RNF216: variants seen among roughly 807,000 people sequenced by gnomAD.
RNF216 encodes E3 ubiquitin-protein ligase RNF216.
RNF216 carries 72 observed loss-of-function variants against 110.8 expected under a neutral mutation model. That is an observed-to-expected ratio of 0.65 (90% CI 0.54 to 0.79). The LOEUF is 0.79. RNF216 is among the 30% of genes least tolerant of loss of function. The pLI is 0.00. For synonymous variants in RNF216, 495 were observed against 407.5 expected (o/e 1.21, Z -2.59); for missense variants, 1,342 against 1,141.2 (o/e 1.18, Z -2.54).
At chr7:5,762,332 G>A (rs1212406722) in intron 1 of RNF216, among the ~76,000 whole-genome samples, 1 of 151,898 alleles carries the variant, frequency 6.6e-6, no homozygotes, top group African/African-American at 2.4e-5. Flanking sequence ...AGACCAGCCT[G>A]GCCAACATGG....
intron 2 of RNF216, among the ~76,000 whole-genome samples, chr7:5,754,115 GTGTGGTGT>G: frequency 7.6e-6 from 1 of 130,844 alleles, no homozygotes; most frequent in African/African-American, 2.9e-5. Context: ...TTTTTCTTTT[GTGTGGTGT>G]GTGTGTGTGT....
chr7:5,688,567 T>A (rs1289069017), intron 13 of RNF216, among the ~76,000 whole-genome samples: 1 of 152,230 alleles, frequency 6.6e-6, no homozygotes, highest in African/African-American at 2.4e-5. Flanking sequence ...TGCTTAGGTT[T>A]TGAAGAAAAA....
At chr7:5,686,224 TAAAAAAA>T (rs71971690) in intron 13 of RNF216, among the ~76,000 whole-genome samples, 26 of 111,626 alleles carry the variant, frequency 2.3e-4, no homozygotes, top group African/African-American at 8.7e-4. Flanking sequence ...ACTCTGTTAT[TAAAAAAA>T]AAAAAAAAAA....
At chr7:5,626,670 T>C (rs1026877001) in intron 15 of RNF216, among the ~76,000 whole-genome samples, 2 of 140,954 alleles carry the variant, frequency 1.4e-5, no homozygotes, top group African/African-American at 5.1e-5. Flanking sequence ...AAACTTGTGT[T>C]AAAAAAAAAA....
At chr7:5,711,359 G>A (rs913590193) in intron 13 of RNF216, among the ~76,000 whole-genome samples, 8 of 152,186 alleles carry the variant, frequency 5.3e-5, no homozygotes, top group South Asian at 2.1e-4. Context: ...TCAAAGAAGC[G>A]TCGTTTGGAC....
At chr7:5,684,161 G>C (rs1562388263) in intron 13 of RNF216, among the ~76,000 whole-genome samples, 1 of 143,122 alleles carries the variant, frequency 7.0e-6, no homozygotes, top group Non-Finnish European at 1.5e-5. Flanking sequence ...GGAGTGCAGT[G>C]GCGTGATCTT....
intron 5 of RNF216, among the ~76,000 whole-genome samples, chr7:5,733,475 A>T (rs2128645843): frequency 6.6e-6 from 1 of 152,340 alleles, no homozygotes; most frequent in Admixed American, 6.5e-5. Flanking sequence ...GTTCATTTGC[A>T]GAAGGAGAGA....
chr7:5,734,148 T>C (rs973468610), intron 5 of RNF216, among the ~76,000 whole-genome samples: 5 of 152,074 alleles, frequency 3.3e-5, no homozygotes, highest in Admixed American at 6.5e-5. Flanking sequence ...CAAGTAGAGT[T>C]CAGGAGACAA....
chr7:5,776,134 G>C (rs923911668), intron 1 of RNF216, among the ~76,000 whole-genome samples: 7 of 152,094 alleles, frequency 4.6e-5, no homozygotes, highest in African/African-American at 1.2e-4. Flanking sequence ...ATATGTGAAA[G>C]CTGTGGATAT....
chr7:5,674,953 C>T (rs150021181), intron 13 of RNF216, among the ~76,000 whole-genome samples: 3,154 of 151,904 alleles, frequency 0.021, 38 homozygotes, highest in Non-Finnish European at 0.029. Context: ...GCTGAGATCG[C>T]GCCACTGCAC....
intron 3 of RNF216, among the ~76,000 whole-genome samples, chr7:5,744,890 T>C (rs1049976639): frequency 6.6e-6 from 1 of 152,026 alleles, no homozygotes; most frequent in South Asian, 2.1e-4. Flanking sequence ...CAGAATCACT[T>C]GAACCTGGGA....
At chr7:5,623,921 G>C in intron 16 of RNF216, 135 bp downstream of exon 16, 2 of 698,242 alleles carry the variant, frequency 2.9e-6, no homozygotes, top group Non-Finnish European at 4.8e-6. Context: ...GTGAAGTCAG[G>C]TCTATAGCCA....
chr7:5,675,076 T>C (rs374355925), intron 13 of RNF216, among the ~76,000 whole-genome samples: 38 of 152,298 alleles, frequency 2.5e-4, no homozygotes, highest in African/African-American at 8.9e-4. Flanking sequence ...GCCAGCTTCA[T>C]ATGTAACTAA....
At chr7:5,668,349 G>A (rs181344247) in intron 13 of RNF216, among the ~76,000 whole-genome samples, 1 of 151,482 alleles carries the variant, frequency 6.6e-6, no homozygotes, top group African/African-American at 2.4e-5. Context: ...TCAGCCTCCC[G>A]AGTAGTTGGG....
At chr7:5,673,560 C>T (rs541733286) in intron 13 of RNF216, among the ~76,000 whole-genome samples, 1 of 152,336 alleles carries the variant, frequency 6.6e-6, no homozygotes. Flanking sequence ...GAGCAAGTTG[C>T]AGGATCAAGT....
Position 5,758,931 on chromosome 7 carries a change from T to G in RNF216, c.67+2072A>C, listed in dbSNP as rs1392197371. Among the ~76,000 whole-genome samples, 3 of 152,144 alleles carry G rather than the reference T, an allele frequency of 2.0e-5. No homozygotes were observed. In the South Asian group the frequency reaches 6.2e-4, roughly 32 times the overall value. On this transcript the variant is annotated intron_variant, in intron 2 of 16. Coordinates refer to ENST00000389902, the MANE Select transcript of RNF216 (RefSeq NM_207111.4). Reference sequence around the variant, plus strand: ...CTTGGGAGGGGCTGGGGTGGAATAGTATGGTTTGGATCTGTGTCCCTGCCC... The same window carrying G: ...CTTGGGAGGGGCTGGGGTGGAATAGGATGGTTTGGATCTGTGTCCCTGCCC...
intron 13 of RNF216, among the ~76,000 whole-genome samples, chr7:5,653,571 A>G (rs1347834896): frequency 3.7e-5 from 5 of 133,794 alleles, no homozygotes; most frequent in Non-Finnish European, 7.7e-5. Flanking sequence ...ACTGCACTCC[A>G]GCCTGGGCGA....
At chr7:5,628,193 C>G (rs928001253) in intron 15 of RNF216, among the ~76,000 whole-genome samples, 4 of 152,196 alleles carry the variant, frequency 2.6e-5, no homozygotes, top group African/African-American at 9.6e-5. Context: ...GCTCTGATCA[C>G]TCTCCTGATT....
chr7:5,623,116 T>C lies in RNF216; in HGVS notation c.2516A>G (p.Glu839Gly), dbSNP rs777795346. The C allele has an allele frequency of 1.2e-6, 2 of 1,604,966 alleles. No individual in the cohort carries two copies. The highest frequency in any genetic ancestry group is 2.2e-5 in the South Asian group (2 of 90,454). ...CTGCGGAACGGGCCTCGGGAGGGCCTCCACCCTCTGCACCTTCTCCACAGG... is the reference window on the plus strand; with the variant it reads ...CTGCGGAACGGGCCTCGGGAGGGCCCCCACCCTCTGCACCTTCTCCACAGG... ...EKPVEKVQRV[E>G]ALPRPVPQNL... Residue 839 changes from glutamate to glycine, a missense_variant, in exon 17 of 17, where the codon GAG becomes GGG. Physicochemically the swap from Glu to Gly is moderately conservative, Grantham distance 98. Transcript: ENST00000389902.
Sources: allele counts gnomAD v4.1 joint callset (sites outside exome capture counted in the v4.1 genomes callset), GRCh38; gene constraint gnomAD v4.1.1; transcripts MANE v1.5; gene names NCBI Gene and HGNC (gene_info 2026-07-23, HGNC 2026-07-21).